The following ARVCF variants were observed in gnomAD, a reference collection of about 807,000 sequenced individuals.
ARVCF encodes the protein splicing regulator ARVCF.
ARVCF carries 66 observed loss-of-function variants against 90.9 expected under a neutral mutation model. The observed-to-expected ratio is 0.73, with a 90% CI of 0.60 to 0.89. ARVCF has a LOEUF of 0.89. Among genes scored for constraint, ARVCF ranks in the 40% least tolerant of loss-of-function variants. The probability of loss-of-function intolerance (pLI) is 0.00; values close to 1 mark genes in which losing one functional copy is unlikely to be tolerated. For synonymous variants in ARVCF, 653 were observed against 603.4 expected (o/e 1.08, Z -1.21); for missense variants, 1,469 against 1,382.3 (o/e 1.06, Z -1.00).
At chr22:19,968,742 C>CG (rs765203563), downstream of ARVCF, 2,692 of 1,608,556 alleles carry the variant, frequency 1.7e-3, 2 homozygotes, top group Non-Finnish European at 2.1e-3. Flanking sequence ...CCTGACTGCC[C>CG]CCCCGGCCCC....
At chr22:19,993,875 C>T (rs2146397775) in intron 2 of ARVCF, among the ~76,000 whole-genome samples, 1 of 152,298 alleles carries the variant, frequency 6.6e-6, no homozygotes, top group South Asian at 2.1e-4. Flanking sequence ...CGACCCAGCC[C>T]CCACCCAGCC....
At chr22:20,007,119 C>G (rs1255546162) in intron 2 of ARVCF, among the ~76,000 whole-genome samples, 2 of 151,950 alleles carry the variant, frequency 1.3e-5, no homozygotes, top group Non-Finnish European at 2.9e-5. Flanking sequence ...CCAGGCATGG[C>G]CGGGAGCGGT....
intron 11 of ARVCF, among the ~76,000 whole-genome samples, chr22:19,975,069 ACACACTCCAAG>A (rs1943074131): frequency 6.6e-6 from 1 of 151,912 alleles, no homozygotes; most frequent in African/African-American, 2.4e-5. Context: ...TTCTGCTCCA[ACACACTCCAAG>A]CACACTCCCC....
At chr22:19,973,998 G>T in intron 12 of ARVCF, 114 bp downstream of exon 12, 1 of 1,512,232 alleles carries the variant, frequency 6.6e-7, no homozygotes. Flanking sequence ...TTGGATCCTG[G>T]GGTGGTGGTG....
intron 15 of ARVCF, 36 bp downstream of exon 15, chr22:19,972,889 G>A: frequency 6.2e-7 from 1 of 1,613,794 alleles, no homozygotes; most frequent in Non-Finnish European, 8.5e-7. Flanking sequence ...AAGGCAAAGT[G>A]AGCAGGGAAT....
rs1360274492 is a variant in ARVCF, at chr22:19,970,657, G to A, written c.*99C>T. ...AGGCGCTGCCAACCCCTGCCGCCAG[G>A]GGGCTCCAAGCTCCACGGCACGATC... On this transcript the variant is annotated 3_prime_UTR_variant, in exon 20 of 20. Coordinates refer to ENST00000263207, the MANE Select transcript of ARVCF (RefSeq NM_001670.3). 7.8e-7 allele frequency: 1 copy of A among 1,284,968 alleles called. No individual in the cohort carries two copies. The highest frequency in any genetic ancestry group is 1.0e-6 in the Non-Finnish European group (1 of 986,898). The allele number at this position is 1,284,968 out of a possible 1,614,324, so 79.6% of individuals were successfully genotyped here.
chr22:19,977,661 C>G (rs1457521120), intron 8 of ARVCF, 75 bp from the exon 9 acceptor site: 1 of 1,475,034 alleles, frequency 6.8e-7, no homozygotes. Context: ...CTGGCCACAG[C>G]TGGTGTGCAT....
intron 2 of ARVCF, 129 bp from the exon 3 acceptor site, chr22:19,990,941 G>T: frequency 1.1e-6 from 1 of 879,582 alleles, no homozygotes; most frequent in Non-Finnish European, 1.7e-6. Context: ...CCTCTAGAGG[G>T]AAGCACACTG....
At chr22:19,972,601 G>A (rs774749996) in intron 16 of ARVCF, 136 bp downstream of exon 16, 13 of 1,157,892 alleles carry the variant, frequency 1.1e-5, no homozygotes, top group African/African-American at 1.6e-5. Context: ...TAGCCAAGAG[G>A]CAGAGGGCAG....
At chr22:19,980,724 C>T (rs1016162737) in intron 5 of ARVCF, 4 of 184,108 alleles carry the variant, frequency 2.2e-5, no homozygotes, top group African/African-American at 9.4e-5. Context: ...CCACCAGCCC[C>T]TTGGGGCACA....
chr22:19,984,711 A>G (rs1943674727), intron 3 of ARVCF, among the ~76,000 whole-genome samples: 1 of 152,230 alleles, frequency 6.6e-6, no homozygotes, highest in Admixed American at 6.5e-5. Context: ...CACTGTTCCC[A>G]GAGGCACACT....
chr22:19,967,556 A>C (rs962188048), downstream of ARVCF: 15 of 371,924 alleles, frequency 4.0e-5, no homozygotes, highest in Non-Finnish European at 7.9e-5. Context: ...TACAGGCTGG[A>C]AACGACCGCC....
At chr22:19,971,398 A>T (rs1942775051) in intron 18 of ARVCF, 63 bp from the exon 19 acceptor site, 3 of 1,510,442 alleles carry the variant, frequency 2.0e-6, no homozygotes, top group Non-Finnish European at 1.8e-6. Flanking sequence ...TCCTGGGGGG[A>T]CAGGGCAGGG....
chr22:19,993,047 T>C (rs1256911520), intron 2 of ARVCF, among the ~76,000 whole-genome samples: 1 of 152,002 alleles, frequency 6.6e-6, no homozygotes, highest in East Asian at 1.9e-4. Context: ...CACTGGCCAG[T>C]GTTGTGGGGA....
intron 18 of ARVCF, among the ~76,000 whole-genome samples, chr22:19,971,678 G>C (rs1413693305): frequency 6.6e-6 from 1 of 152,170 alleles, no homozygotes; most frequent in African/African-American, 2.4e-5. Flanking sequence ...GGTGTGGCCG[G>C]GCAGTGTTGT....
chr22:19,970,587 TG>T lies in ARVCF; in HGVS notation c.*168del, dbSNP rs1012912443. ...GTTAGGTAGGATGGGGGGAGTGGGG[TG>T]GGGGGGCAGGAGGGTGTCCCCAAAG... On this transcript the variant is annotated 3_prime_UTR_variant, in exon 20 of 20. Transcript: ENST00000263207. 2.4e-5 allele frequency: 11 copies of T among 452,364 alleles called. No homozygotes were observed. The highest frequency in any genetic ancestry group is 1.7e-4 in the African/African-American group (4 of 24,066). The allele number at this position is 452,364 out of a possible 1,614,324, so 28.0% of individuals were successfully genotyped here.
At chr22:19,968,946 C>G (rs145166266), downstream of ARVCF, 48 of 577,118 alleles carry the variant, frequency 8.3e-5, no homozygotes, top group East Asian at 1.4e-3. Flanking sequence ...TTTACTAACA[C>G]TGGCTAGCTA....
At chr22:19,971,457 G>A (rs1445436261) in intron 18 of ARVCF, 122 bp from the exon 19 acceptor site, 2 of 1,253,350 alleles carry the variant, frequency 1.6e-6, no homozygotes, top group Non-Finnish European at 2.2e-6. Flanking sequence ...GGACAGCACA[G>A]GTAGCACCAA....
At chr22:19,967,263 A>G (rs1942455082), downstream of ARVCF, 3 of 1,258,794 alleles carry the variant, frequency 2.4e-6, no homozygotes, top group South Asian at 1.2e-5. Context: ...GAAGTCCAGG[A>G]GCCCAGGCCC....
Sources: allele counts gnomAD v4.1 joint callset (sites outside exome capture counted in the v4.1 genomes callset), GRCh38; gene constraint gnomAD v4.1.1; transcripts MANE v1.5; gene names NCBI Gene and HGNC (gene_info 2026-07-23, HGNC 2026-07-21).